The following DNAH9 variants were observed in gnomAD, a reference collection of about 807,000 sequenced individuals.
DNAH9 encodes the protein dynein axonemal heavy chain 9.
Under a neutral mutation model 471.6 loss-of-function variants are expected in DNAH9, and 345 were observed. The observed-to-expected ratio is 0.73, with a 90% CI of 0.67 to 0.80. The LOEUF (loss-of-function observed/expected upper bound fraction) is 0.80. Among genes scored for constraint, DNAH9 ranks in the 30% least tolerant of loss-of-function variants. The probability of loss-of-function intolerance (pLI) is 0.00; values close to 1 mark genes in which losing one functional copy is unlikely to be tolerated. For synonymous variants in DNAH9, 2,093 were observed against 2,123.6 expected (o/e 0.99, Z 0.40); for missense variants, 5,407 against 5,609.2 (o/e 0.96, Z 1.15).
chr17:11,738,423 C>G (rs1030565788), intron 28 of DNAH9, among the ~76,000 whole-genome samples: 6 of 152,154 alleles, frequency 3.9e-5, no homozygotes, highest in African/African-American at 1.4e-4. Flanking sequence ...CTTTGTCAAC[C>G]AGGCTGGAGT....
chr17:11,852,303 T>C (rs757103688), intron 49 of DNAH9, among the ~76,000 whole-genome samples: 23 of 152,256 alleles, frequency 1.5e-4, no homozygotes, highest in Admixed American at 2.6e-4. Context: ...TCCAGCTACA[T>C]TGGGGCTCCA....
intron 1 of DNAH9, 103 bp from the exon 2 acceptor site, chr17:11,608,026 C>A (rs566721694): frequency 1.3e-5 from 11 of 846,502 alleles, no homozygotes; most frequent in Non-Finnish European, 2.0e-5. Context: ...CAGTGACCTG[C>A]AAAAGGTTGT....
At position 11,933,898 on chromosome 17, in the gene DNAH9, C is replaced by T. The variant is rs763364579; in HGVS notation, c.12316C>T (p.Arg4106Cys). The change falls in exon 65 of 69, where the codon CGC (arginine) becomes TGC (cysteine). Residue 4106 changes from arginine (R) to cysteine (C), a missense_variant. Physicochemically the swap from Arg to Cys is radical, Grantham distance 180 (BLOSUM62 -3). Coordinates refer to ENST00000262442, the MANE Select transcript of DNAH9 (RefSeq NM_001372.4). ...CACTCAGGTCCCCTATGATGATTTG[C>T]GCTACCTGTTTGGAGAGATCATGTA... ...ANAKVPYDDL[R>C]YLFGEIMYGG... 19 of 1,612,630 alleles carry T rather than the reference C, an allele frequency of 1.2e-5. No individual in the cohort carries two copies. Among genetic ancestry groups the T allele is most frequent in the South Asian group, 8.8e-5 (8 of 90,782 alleles).
In DNAH9 at chr17:11,872,631, C is replaced by G. The variant is rs181679873; in HGVS notation, c.10242+845C>G. The stretch of plus-strand genomic sequence containing the variant: ...AGGAGATTAGGCTCATAGAAGTCAG[C>G]GAAGGTGGGCCGGGCGCGGTGGCTC... On this transcript the variant is annotated intron_variant, in intron 52 of 68. Transcript: ENST00000262442. 1.6e-4 allele frequency among the ~76,000 whole-genome samples: 24 copies of G among 152,168 alleles called. 1 individual carries two copies. Among genetic ancestry groups the G allele is most frequent in the Admixed American group, 1.5e-3 (23 of 15,288 alleles).
intron 6 of DNAH9, among the ~76,000 whole-genome samples, chr17:11,621,817 C>G (rs1242181683): frequency 1.3e-5 from 2 of 152,076 alleles, no homozygotes; most frequent in African/African-American, 4.8e-5. Flanking sequence ...TGCGGTGGCT[C>G]ACGCCTGTAA....
In DNAH9 at chr17:11,598,806, T is replaced by A. The variant is rs373784591; in HGVS notation, c.308T>A (p.Phe103Tyr). The A allele has an allele frequency of 3.0e-5, 44 of 1,480,434 alleles. 1 individual carries two copies. The highest frequency in any genetic ancestry group is 1.0e-4 in the South Asian group (8 of 79,866). 91.7% of individuals were successfully genotyped at this position (1,480,434 alleles called of 1,614,324 possible). The change falls in exon 1 of 69, where the codon TTC becomes TAC. Residue 103 changes from phenylalanine (F) to tyrosine (Y), a missense_variant. Coordinates refer to ENST00000262442, the MANE Select transcript of DNAH9 (RefSeq NM_001372.4). Reference protein sequence around the residue: ...SGLAGAKALFFLRTGPEPPGP... With the variant: ...SGLAGAKALFYLRTGPEPPGP... ...CTGGCTGGCGCTAAGGCGCTTTTTT[T>A]CCTTCGCACCGGGCCCGAGCCTCCA... is the stretch of plus-strand genomic sequence containing the variant.
intron 8 of DNAH9, among the ~76,000 whole-genome samples, chr17:11,636,270 C>T (rs999145646): frequency 1.1e-4 from 16 of 152,176 alleles, no homozygotes; most frequent in African/African-American, 3.6e-4. Flanking sequence ...TCCCAAAGTG[C>T]TGAAATTACA....
intron 9 of DNAH9, among the ~76,000 whole-genome samples, chr17:11,638,089 C>A (rs1265282431): frequency 6.6e-6 from 1 of 152,154 alleles, no homozygotes; most frequent in South Asian, 2.1e-4. Flanking sequence ...CTCAGTGTGC[C>A]GCCTTAGGGA....
At chr17:11,810,506 G>A (rs1969854912) in intron 45 of DNAH9, 137 bp downstream of exon 45, 8 of 1,070,672 alleles carry the variant, frequency 7.5e-6, no homozygotes, top group South Asian at 1.8e-5. Context: ...CCAAGGACTG[G>A]TTCATTGAGG....
chr17:11,701,837 G>T (rs2074603986), intron 24 of DNAH9, among the ~76,000 whole-genome samples: 1 of 151,976 alleles, frequency 6.6e-6, no homozygotes, highest in Non-Finnish European at 1.5e-5. Flanking sequence ...CGCCACCAGG[G>T]CTGGCTAATT....
intron 53 of DNAH9, 99 bp downstream of exon 53, chr17:11,875,283 C>G (rs1025003235): frequency 3.4e-6 from 3 of 891,176 alleles, no homozygotes; most frequent in Non-Finnish European, 5.1e-6. Context: ...TTTGTACACT[C>G]CTGGTCTCTC....
At chr17:11,743,228 A>G (rs1033616848) in intron 30 of DNAH9, among the ~76,000 whole-genome samples, 4 of 152,114 alleles carry the variant, frequency 2.6e-5, no homozygotes, top group Admixed American at 6.5e-5. Context: ...CCTGGGAGTT[A>G]CCCTGGACCA....
intron 54 of DNAH9, 31 bp downstream of exon 54, chr17:11,880,231 G>A (rs201578299): frequency 5.0e-6 from 8 of 1,608,986 alleles, no homozygotes; most frequent in Admixed American, 1.7e-5. Flanking sequence ...TGACCCTTCG[G>A]GGGGAGCTGG....
chr17:11,878,126 G>C (rs142502380), intron 53 of DNAH9, among the ~76,000 whole-genome samples: 1 of 152,302 alleles, frequency 6.6e-6, no homozygotes, highest in East Asian at 1.9e-4. Flanking sequence ...TTTTCCAGCT[G>C]ACTAACAATG....
chr17:11,631,261 T>G (rs2073060062), intron 7 of DNAH9, among the ~76,000 whole-genome samples: 1 of 152,034 alleles, frequency 6.6e-6, no homozygotes, highest in African/African-American at 2.4e-5. Flanking sequence ...GAAAAAGGAA[T>G]GGCAGAATTA....
intron 36 of DNAH9, among the ~76,000 whole-genome samples, chr17:11,764,170 C>T (rs1415710975): frequency 6.6e-6 from 1 of 152,196 alleles, no homozygotes; most frequent in East Asian, 1.9e-4. Context: ...ATAGTGTTGA[C>T]TGCTATAGTC....
intron 48 of DNAH9, among the ~76,000 whole-genome samples, chr17:11,829,299 C>G (rs1970608812): frequency 6.6e-6 from 1 of 152,122 alleles, no homozygotes; most frequent in Admixed American, 6.5e-5. Flanking sequence ...GGTTTTGATG[C>G]TAGTAATCTG....
rs55801683 is a variant in DNAH9 at position 11,958,722 on chromosome 17, A to C, written c.12844-3145A>C. On this transcript the variant is annotated intron_variant, in intron 67 of 68. Coordinates refer to ENST00000262442, the MANE Select transcript of DNAH9 (RefSeq NM_001372.4). ...TGCTGCTCAATTTGCTGTGAAACTA[A>C]AACTGCCCTAAAAAAAAAAAAATAA... is the stretch of plus-strand genomic sequence containing the variant. Among the ~76,000 whole-genome samples, 1,071 of 121,446 alleles carry C rather than the reference A, an allele frequency of 8.8e-3. 13 individuals are homozygous for C. The highest frequency in any genetic ancestry group is 0.027 in the African/African-American group (1,035 of 38,122). The allele number at this position is 121,446 out of a possible 152,430, so 79.7% of individuals were successfully genotyped here.
Position 11,747,649 on chromosome 17 carries a change from C to A in DNAH9, c.6493C>A (p.His2165Asn). The A allele has an allele frequency of 1.2e-6, 2 of 1,614,088 alleles. No homozygotes were observed. The highest frequency in any genetic ancestry group is 1.7e-6 in the Non-Finnish European group (2 of 1,179,974). The change falls in exon 32 of 69, where the codon CAC becomes AAC. Residue 2165 changes from histidine (H) to asparagine (N), a missense_variant. By Grantham distance (68) the His-to-Asn change is moderately conservative (BLOSUM62 1). This residue lies in a region of DNAH9 where 4,636 missense variants were observed against 4,900.3 expected (regional missense o/e 0.95). Coordinates refer to ENST00000262442, the MANE Select transcript of DNAH9 (RefSeq NM_001372.4). ...CAAGTCACAGGTGCTGAGGTCCTTG[C>A]ACAAGACCTATCAGATCATGAAACG... Reference protein sequence around the residue: ...TGKSQVLRSLHKTYQIMKRRP... With the variant: ...TGKSQVLRSLNKTYQIMKRRP...
Sources: gnomAD v4.1 joint callset for allele counts (sites outside exome capture counted in the v4.1 genomes callset) on GRCh38, gnomAD v4.1.1 for gene constraint, gnomAD v4.1.1 regional missense constraint, MANE v1.5 for transcripts, NCBI Gene and HGNC (gene_info 2026-07-23, HGNC 2026-07-21) for gene names.